SSH3: variants seen among roughly 807,000 people sequenced by gnomAD.
SSH3 encodes protein phosphatase Slingshot homolog 3.
A neutral mutation model predicts 75.0 loss-of-function variants in SSH3; 67 were observed. The ratio of observed to expected loss-of-function variants is 0.89; its 90% CI spans 0.73 to 1.10. SSH3 has a LOEUF of 1.10. Ranked by LOEUF, SSH3 falls within the 50% of genes least tolerant of loss-of-function variation. The probability of loss-of-function intolerance (pLI) is 0.00; values close to 1 mark genes in which losing one functional copy is unlikely to be tolerated. For synonymous variants in SSH3, 318 were observed against 349.2 expected, an observed-to-expected ratio of 0.91 and a Z score of 1.00; for missense variants, 824 against 872.7, an observed-to-expected ratio of 0.94 and a Z score of 0.70.
At chr11:67,310,030 G>A (rs1408488213) in intron 12 of SSH3, 36 bp from the exon 13 acceptor site, 2 of 1,610,290 alleles carry the variant, frequency 1.2e-6, no homozygotes, top group East Asian at 4.5e-5. Context: ...TGGCTGCTGG[G>A]TCACTCAGAG....
chr11:67,307,365 C>CT lies in SSH3; in HGVS notation c.537-5dup, dbSNP rs1390077807. 2.5e-6 allele frequency: 4 copies of CT among 1,613,850 alleles called. No homozygotes were observed. In the South Asian group the frequency reaches 3.3e-5, roughly 13 times the overall value. On this transcript the variant is annotated splice_polypyrimidine_tract_variant and splice_region_variant and intron_variant, in intron 5 of 13. Transcript: ENST00000308127. The surrounding 1 kb of genome is among the most constrained non-coding windows in gnomAD (Gnocchi z 4.2). ...TCTGGCCTCACCTGTGCCTGGTCTC[C>CT]TGCAGGGGCTTCAGCGTGACGTCTG...
intron 2 of SSH3, 78 bp downstream of exon 2, chr11:67,304,233 G>A: frequency 8.4e-7 from 1 of 1,186,078 alleles, no homozygotes; most frequent in Non-Finnish European, 1.2e-6. Context: ...CCAGCTGCAG[G>A]GACAGAAAGC....
At position 67,311,936 on chromosome 11, in the gene SSH3, T is replaced by C. The variant is rs552195243; in HGVS notation, c.*49T>C. The C allele has an allele frequency of 3.6e-5, 58 of 1,591,686 alleles. 2 individuals carry two copies. The South Asian group carries it at 6.4e-4, about 18-fold the overall frequency. On this transcript the variant is annotated 3_prime_UTR_variant, in exon 14 of 14. Transcript: ENST00000308127. ...CCTGACACTGAAGAGGATCCACAAC[T>C]CCTTGGAGAAACACCCTCACGTCTG...
rs1861186038 is a variant in SSH3, at chr11:67,304,857, G to A, written c.189G>A (p.Glu63=). ...DNDDAAEASS[E]PTEKAPSEEE... is the part of the protein sequence containing the mutation. ...ATGATGCAGCAGAGGCCAGTTCTGAGCCAACAGAGAAGGCCCCGAGTGAGG... is the reference window on the plus strand; with the variant it reads ...ATGATGCAGCAGAGGCCAGTTCTGAACCAACAGAGAAGGCCCCGAGTGAGG... The change falls in exon 3 of 14, where the codon GAG becomes GAA. Residue 63 remains glutamate, a synonymous_variant. Coordinates refer to ENST00000308127, the MANE Select transcript of SSH3 (RefSeq NM_017857.4). The A allele has an allele frequency of 6.2e-7, 1 of 1,613,754 alleles. No individual in the cohort carries two copies. The highest frequency in any genetic ancestry group is 2.2e-5 in the East Asian group (1 of 44,878).
In SSH3 at chr11:67,309,147, A is replaced by G. The variant is rs1861338599; in HGVS notation, c.1062-250A>G. The G allele has an allele frequency of 5.6e-6, 3 of 532,340 alleles. No homozygotes were observed. In the South Asian group the frequency reaches 6.8e-5, roughly 12 times the overall value. 33.0% of individuals were successfully genotyped at this position (532,340 alleles called of 1,614,324 possible). A position where few individuals can be genotyped will look rare whatever the true frequency, so the allele number is the denominator to read the frequency against. On this transcript the variant is annotated intron_variant, in intron 10 of 13. Coordinates refer to ENST00000308127, the MANE Select transcript of SSH3 (RefSeq NM_017857.4). ...GTTCTCTAACTCATTTCTGAGAATA[A>G]CTGAAGGGCTGGAGTTGCAGTTGGC... is the stretch of plus-strand genomic sequence containing the variant.
chr11:67,305,035 G>T lies in SSH3; in HGVS notation c.339+28G>T, dbSNP rs1008440116. 7 of 1,586,404 alleles carry T rather than the reference G, an allele frequency of 4.4e-6. No individual in the cohort carries two copies. In the Admixed American group the frequency reaches 1.1e-4, roughly 24 times the overall value. Reference sequence around the variant, plus strand: ...GAGGGCCCATGTGGAGCTCCGGGGGGTGGGGGGAAGAGACACGCCTGAGGG... The same window carrying T: ...GAGGGCCCATGTGGAGCTCCGGGGGTTGGGGGGAAGAGACACGCCTGAGGG... On this transcript the variant is annotated intron_variant, in intron 3 of 13. Transcript: ENST00000308127.
Position 67,307,626 on chromosome 11 carries a change from C to G in SSH3, c.680C>G (p.Thr227Ser). The change falls in exon 7 of 14, where the codon ACC becomes AGC. Residue 227 changes from threonine to serine, a missense_variant. Thr to Ser is a moderately conservative substitution (Grantham distance 58). Coordinates refer to ENST00000308127, the MANE Select transcript of SSH3 (RefSeq NM_017857.4). This position sits in a 1 kb window ranked among gnomAD's most constrained non-coding sequence, Gnocchi z 4.2. ...SGLVPGGSAL[T>S]WASHYQERLN... ...CTTGTACCGGGTGGCAGTGCCCTCACCTGGGCCAGCCACTACCAGGAGAGA... is the reference window on the plus strand; with the variant it reads ...CTTGTACCGGGTGGCAGTGCCCTCAGCTGGGCCAGCCACTACCAGGAGAGA... 1.2e-6 allele frequency: 2 copies of G among 1,613,518 alleles called. No individual in the cohort carries two copies. The highest frequency in any genetic ancestry group is 1.7e-6 in the Non-Finnish European group (2 of 1,179,778).
chr11:67,305,905 C>T (rs1031402280), intron 3 of SSH3, among the ~76,000 whole-genome samples: 6 of 152,134 alleles, frequency 3.9e-5, no homozygotes, highest in African/African-American at 9.7e-5. Context: ...CATCCCCTAT[C>T]GTGAGATTTT....
chr11:67,306,208 G>A (rs1781588484), intron 3 of SSH3, among the ~76,000 whole-genome samples: 1 of 151,712 alleles, frequency 6.6e-6, no homozygotes, highest in Non-Finnish European at 1.5e-5. Context: ...AGAATGGCGT[G>A]AACCCGGGAG....
intron 3 of SSH3, 51 bp from the exon 4 acceptor site, chr11:67,306,787 G>A: frequency 6.4e-7 from 1 of 1,556,298 alleles, no homozygotes; most frequent in East Asian, 2.3e-5. Context: ...TCTAGGTGGG[G>A]AGCAGGGTCC....
At chr11:67,305,705 CTG>C (rs1379797623) in intron 3 of SSH3, among the ~76,000 whole-genome samples, 1 of 152,176 alleles carries the variant, frequency 6.6e-6, no homozygotes, top group African/African-American at 2.4e-5. Context: ...TGGACACACA[CTG>C]GGGGAGGGTG....
In SSH3 at chr11:67,306,918, C is replaced by G. The variant is rs750000197; in HGVS notation, c.420C>G (p.Ser140Arg). 4 of 1,613,700 alleles carry G rather than the reference C, an allele frequency of 2.5e-6. No individual in the cohort carries two copies. In the Admixed American group the frequency reaches 6.7e-5, roughly 27 times the overall value. Residue 140 changes from serine (S) to arginine (R), a missense_variant, in exon 4 of 14, where the codon AGC (serine) becomes AGG (arginine). By Grantham distance (110) the Ser-to-Arg change is moderately radical (BLOSUM62 -1). Coordinates refer to ENST00000308127, the MANE Select transcript of SSH3 (RefSeq NM_017857.4). The stretch of plus-strand genomic sequence containing the variant: ...CTACACGAGAAGGAGAAGGTCTGAG[C>G]CAGGATGAGACGGTCCTCCTGGGCG... ...VVSTREGEGL[S>R]QDETVLLGVD...
intron 1 of SSH3, 143 bp downstream of exon 1, chr11:67,303,834 A>G (rs1443229403): frequency 1.1e-6 from 1 of 891,054 alleles, no homozygotes; most frequent in Non-Finnish European, 1.6e-6. Flanking sequence ...GGGGGCCTCG[A>G]GGGTCTCTGG....
chr11:67,308,533 G>C lies in SSH3; in HGVS notation c.1061+75G>C. On this transcript the variant is annotated intron_variant, in intron 10 of 13. Transcript: ENST00000308127. This position sits in a 1 kb window ranked among gnomAD's most constrained non-coding sequence, Gnocchi z 4.9. ...GCCTCCCCGCATTGGGTGGTAGCCA[G>C]CTTCAAAAACCCCTGGACCACCCTC... 2 of 1,536,168 alleles carry C rather than the reference G, an allele frequency of 1.3e-6. No individual in the cohort carries two copies. The highest frequency in any genetic ancestry group is 1.2e-5 in the South Asian group (1 of 83,694).
rs144805023 is a variant in SSH3, at chr11:67,309,962, C to T, written c.1403C>T (p.Thr468Met). 1.2e-5 allele frequency: 20 copies of T among 1,610,214 alleles called. No homozygotes were observed. The highest frequency in any genetic ancestry group is 6.7e-5 in the East Asian group (3 of 44,892). Residue 468 changes from threonine (T) to methionine (M), a missense_variant, in exon 12 of 14, where the codon ACG becomes ATG. By Grantham distance (81) the Thr-to-Met change is moderately conservative (BLOSUM62 -1). Coordinates refer to ENST00000308127, the MANE Select transcript of SSH3 (RefSeq NM_017857.4). ...CTGCAGATCTACCAGGGCATCCTGA[C>T]GGCCAGGTATGGGATGGGAGCGAGT... The part of the protein sequence containing the change: ...RQLQIYQGIL[T>M]ASRQSHVWEQ...
chr11:67,307,328 C>T lies in SSH3; in HGVS notation c.537-43C>T. 2 of 1,611,750 alleles carry T rather than the reference C, an allele frequency of 1.2e-6. No homozygotes were observed. The highest frequency in any genetic ancestry group is 1.7e-6 in the Non-Finnish European group (2 of 1,179,452). On this transcript the variant is annotated intron_variant, in intron 5 of 13. Transcript: ENST00000308127. The surrounding 1 kb of genome is among the most constrained non-coding windows in gnomAD (Gnocchi z 4.2). ...CAGCAAAAGGATGGGTTCTCTGTCG[C>T]AGAGCCTGGAGTCTGGCCTCACCTG...
At position 67,311,872 on chromosome 11, in the gene SSH3, G is replaced by C. The variant is rs1861424004; in HGVS notation, c.1965G>C (p.Glu655Asp). Residue 655 changes from glutamate to aspartate, a missense_variant, in exon 14 of 14, where the codon GAG (glutamate) becomes GAC (aspartate). Glu to Asp is a conservative substitution (Grantham distance 45, BLOSUM62 2). Transcript: ENST00000308127. Reference sequence around the variant, plus strand: ...AGGCCAGCGTGCATGACAGTGGAGAGGAGGGCGAGGCCTGAGCCCTCACAC... The same window carrying C: ...AGGCCAGCGTGCATGACAGTGGAGACGAGGGCGAGGCCTGAGCCCTCACAC... ...VRQASVHDSG[E>D]EGEA The C allele has an allele frequency of 1.2e-6, 2 of 1,611,418 alleles. No homozygotes were observed. The highest frequency in any genetic ancestry group is 1.7e-6 in the Non-Finnish European group (2 of 1,179,810).
chr11:67,308,100 A>G lies in SSH3; in HGVS notation c.886-74A>G. On this transcript the variant is annotated intron_variant, in intron 8 of 13. Transcript: ENST00000308127. This position sits in a 1 kb window ranked among gnomAD's most constrained non-coding sequence, Gnocchi z 4.9. ...AGATGGGATAGGGTGCTGTCCTCAG[A>G]GGTCCCAGAGGGAAGGTGGCAGGTT... is the stretch of plus-strand genomic sequence containing the variant. 1 of 1,587,370 alleles carries G rather than the reference A, an allele frequency of 6.3e-7. No homozygotes were observed. The highest frequency in any genetic ancestry group is 8.6e-7 in the Non-Finnish European group (1 of 1,167,008).
chr11:67,310,436 G>A, intron 13 of SSH3, 97 bp downstream of exon 13: 2 of 1,452,704 alleles, frequency 1.4e-6, no homozygotes, highest in Non-Finnish European at 1.8e-6. Flanking sequence ...GTAGACCTGA[G>A]CAGGGCGTAC....
Sources: allele counts gnomAD v4.1 joint callset (sites outside exome capture counted in the v4.1 genomes callset), GRCh38; gene constraint gnomAD v4.1.1; non-coding constraint Gnocchi (gnomAD v3.1); transcripts MANE v1.5; gene names NCBI Gene and HGNC (gene_info 2026-07-23, HGNC 2026-07-21).